Variants in KLHL1 observed in about 807,000 individuals in gnomAD.
KLHL1 encodes the protein kelch-like protein 1.
In KLHL1, 47 loss-of-function variants were observed where a neutral mutation model predicts 77.7. That is an observed-to-expected ratio of 0.60 (90% CI 0.48 to 0.77). The LOEUF is 0.77. Ranked by LOEUF, KLHL1 falls within the 30% of genes least tolerant of loss-of-function variation. KLHL1 has a pLI of 0.00. For missense variants in KLHL1, 925 were observed against 910.8 expected, an observed-to-expected ratio of 1.02 and a Z score of -0.20; for synonymous variants, 360 against 325.2, an observed-to-expected ratio of 1.11 and a Z score of -1.15.
chr13:70,049,610 T>C (rs1159762072), intron 1 of KLHL1, among the ~76,000 whole-genome samples: 2 of 152,184 alleles, frequency 1.3e-5, no homozygotes, highest in African/African-American at 4.8e-5. Context: ...AAACTTATAA[T>C]AGTTTATTTA....
chr13:69,948,983 T>G (rs2137251645), intron 3 of KLHL1, among the ~76,000 whole-genome samples: 1 of 152,078 alleles, frequency 6.6e-6, no homozygotes, highest in Admixed American at 6.6e-5. Context: ...TTGACATTTT[T>G]AGTAACTCAT....
chr13:69,760,438 C>A (rs1261282216), intron 7 of KLHL1, among the ~76,000 whole-genome samples: 2 of 152,074 alleles, frequency 1.3e-5, no homozygotes, highest in African/African-American at 4.8e-5. Flanking sequence ...TCACTGCAAC[C>A]TCGGCCTCCC....
At chr13:70,073,688 G>T (rs538486604) in intron 1 of KLHL1, among the ~76,000 whole-genome samples, 4 of 152,066 alleles carry the variant, frequency 2.6e-5, no homozygotes, top group Non-Finnish European at 4.4e-5. Flanking sequence ...GAGGTAGGAG[G>T]ATTGCTTGGG....
In KLHL1 at chr13:69,719,496, A is replaced by G; in HGVS notation, c.1888T>C (p.Cys630Arg). The change falls in exon 9 of 11, where the codon TGT (cysteine) becomes CGT (arginine). Residue 630 changes from cysteine to arginine, a missense_variant. Coordinates refer to ENST00000377844, the MANE Select transcript of KLHL1 (RefSeq NM_020866.3). The part of the protein sequence containing the change: ...YDPHTNKWNM[C>R]APMCKRRGGV... ...CCTCTCCTCTTACACATGGGAGCAC[A>G]CATGTTCCACTTATTTGTATGAGGA... The G allele has an allele frequency of 6.2e-7, 1 of 1,612,946 alleles. No individual in the cohort carries two copies. The highest frequency in any genetic ancestry group is 8.5e-7 in the Non-Finnish European group (1 of 1,179,112).
intron 1 of KLHL1, among the ~76,000 whole-genome samples, chr13:70,064,911 T>G (rs1421375626): frequency 6.6e-6 from 1 of 152,180 alleles, no homozygotes; most frequent in Non-Finnish European, 1.5e-5. Flanking sequence ...TCTTACATTT[T>G]ATTTCTATCA....
chr13:69,740,623 T>C lies in KLHL1; in HGVS notation c.1640-67A>G, dbSNP rs938045287. 18 of 1,217,078 alleles carry C rather than the reference T, an allele frequency of 1.5e-5. No homozygotes were observed. The African/African-American group carries it at 2.2e-4, about 15-fold the overall frequency. 75.4% of individuals were successfully genotyped at this position (1,217,078 alleles called of 1,614,324 possible). ...TCATATTGTACATTTAAAAATCTGT[T>C]AAGTGGGTAGATCTCATGTTAAGTG... is the stretch of plus-strand genomic sequence containing the variant. On this transcript the variant is annotated intron_variant, in intron 7 of 10. Coordinates refer to ENST00000377844, the MANE Select transcript of KLHL1 (RefSeq NM_020866.3).
At chr13:69,768,776 A>AT (rs1180475548) in intron 7 of KLHL1, among the ~76,000 whole-genome samples, 1 of 152,114 alleles carries the variant, frequency 6.6e-6, no homozygotes, top group Non-Finnish European at 1.5e-5. Context: ...CTGAATTGAG[A>AT]TTTTTTGATT....
chr13:69,822,282 G>T (rs2138079975), intron 6 of KLHL1, among the ~76,000 whole-genome samples: 1 of 150,912 alleles, frequency 6.6e-6, no homozygotes, highest in Admixed American at 6.6e-5. Context: ...AATCCCAAAA[G>T]AATGAATTTA....
rs560569605 is a variant in KLHL1, at chr13:70,025,049, G to A, written c.498-49247C>T. ...CTATATTTCGAATGCATAAGTTTAG[G>A]TTTACATTCACATGAATTTTATGTG... On this transcript the variant is annotated intron_variant, in intron 1 of 10. Coordinates refer to ENST00000377844, the MANE Select transcript of KLHL1 (RefSeq NM_020866.3). Among the ~76,000 whole-genome samples the A allele has an allele frequency of 1.8e-4, 27 of 152,020 alleles. 1 individual carries two copies. Among genetic ancestry groups the A allele is most frequent in the African/African-American group, 6.5e-4 (27 of 41,528 alleles).
chr13:69,914,557 C>A (rs1882355273), intron 4 of KLHL1, among the ~76,000 whole-genome samples: 1 of 152,078 alleles, frequency 6.6e-6, no homozygotes, highest in South Asian at 2.1e-4. Context: ...GCCAGGTGAT[C>A]ATTATTTATT....
chr13:69,797,198 C>G (rs1429067488), intron 6 of KLHL1, among the ~76,000 whole-genome samples: 2 of 152,178 alleles, frequency 1.3e-5, no homozygotes, highest in African/African-American at 4.8e-5. Context: ...ACATAATGGT[C>G]TCATGCTAAA....
intron 1 of KLHL1, among the ~76,000 whole-genome samples, chr13:70,072,891 C>T (rs983017890): frequency 6.6e-6 from 1 of 151,944 alleles, no homozygotes; most frequent in Non-Finnish European, 1.5e-5. Flanking sequence ...CCCTAAGAAA[C>T]AAATCAAGGA....
intron 7 of KLHL1, among the ~76,000 whole-genome samples, chr13:69,773,487 C>T (rs956457489): frequency 9.2e-5 from 14 of 151,980 alleles, no homozygotes; most frequent in Admixed American, 3.9e-4. Context: ...TTAAGGATGT[C>T]TATATCAAAT....
intron 8 of KLHL1, among the ~76,000 whole-genome samples, chr13:69,721,085 ATGTACCTCCCTTACAAGGAATTTCCT>A (rs1873038167): frequency 1.3e-5 from 1 of 75,114 alleles, no homozygotes; most frequent in African/African-American, 4.2e-5. Context: ...ATATAAAGCT[ATGTACCTCCCTTACAAGGAATTTCCT>A]TGTGGACAAA....
intron 5 of KLHL1, among the ~76,000 whole-genome samples, chr13:69,864,881 T>C (rs573362443): frequency 7.9e-4 from 121 of 152,264 alleles, no homozygotes; most frequent in African/African-American, 2.8e-3. Context: ...GTAAGAACCC[T>C]GAGGAAGAGC....
chr13:69,712,486 T>C (rs1471829132), intron 9 of KLHL1, among the ~76,000 whole-genome samples: 1 of 152,076 alleles, frequency 6.6e-6, no homozygotes, highest in Non-Finnish European at 1.5e-5. Flanking sequence ...ATAATCAAGA[T>C]TCTTTATATG....
chr13:69,737,031 C>T (rs1367354043), intron 8 of KLHL1, among the ~76,000 whole-genome samples: 3 of 152,120 alleles, frequency 2.0e-5, no homozygotes, highest in South Asian at 2.1e-4. Context: ...TGGCGCAACC[C>T]ACGGAAAGTG....
At chr13:69,706,643 C>T (rs564347425) in intron 10 of KLHL1, among the ~76,000 whole-genome samples, 1 of 151,978 alleles carries the variant, frequency 6.6e-6, no homozygotes, top group East Asian at 1.9e-4. Context: ...CTGCACTGCA[C>T]TCCTAGATGG....
rs1178993967 is a variant in KLHL1, at chr13:70,107,884, A to G, written c.-185T>C. 4.8e-5 allele frequency: 26 copies of G among 541,868 alleles called. No homozygotes were observed. Among genetic ancestry groups the G allele is most frequent in the Non-Finnish European group, 8.3e-5 (26 of 314,644 alleles). 33.6% of individuals were successfully genotyped at this position (541,868 alleles called of 1,614,324 possible). ...GCGAAGGCTGGAGCGCAGACGGCAA[A>G]GCCGCGCGTTTCAGCCGTGGTCGGG... is the stretch of plus-strand genomic sequence containing the variant. On this transcript the variant is annotated 5_prime_UTR_variant, in exon 1 of 11. Coordinates refer to ENST00000377844, the MANE Select transcript of KLHL1 (RefSeq NM_020866.3).
Sources: gnomAD v4.1 joint callset for allele counts (sites outside exome capture counted in the v4.1 genomes callset) on GRCh38, gnomAD v4.1.1 for gene constraint, MANE v1.5 for transcripts, NCBI Gene and HGNC (gene_info 2026-07-23, HGNC 2026-07-21) for gene names.